CNTN4: variants seen among roughly 807,000 people sequenced by gnomAD.
CNTN4 encodes the protein contactin-4.
A neutral mutation model predicts 122.5 loss-of-function variants in CNTN4; 77 were observed. That is an observed-to-expected ratio of 0.63 (90% CI 0.52 to 0.76). The LOEUF is 0.76. CNTN4 is among the 30% of genes least tolerant of loss of function. The pLI, the probability that CNTN4 is intolerant of heterozygous loss-of-function variation, is 0.00. For missense variants in CNTN4, 1,256 were observed against 1,259.1 expected (o/e 1.00, Z 0.04); for synonymous variants, 512 against 447.0 (o/e 1.15, Z -1.83).
intron 4 of CNTN4, among the ~76,000 whole-genome samples, chr3:2,664,603 T>C (rs1366600282): frequency 6.6e-6 from 1 of 152,206 alleles, no homozygotes; most frequent in Non-Finnish European, 1.5e-5. Context: ...CTTTCAGCCA[T>C]GCCTGGGACC....
intron 2 of CNTN4, among the ~76,000 whole-genome samples, chr3:2,266,316 T>G (rs1428694153): frequency 1.3e-5 from 2 of 152,240 alleles, no homozygotes; most frequent in South Asian, 4.1e-4. Context: ...GTTTTTCTTA[T>G]AGTGACTTCT....
chr3:2,287,367 C>T (rs535566439), intron 2 of CNTN4, among the ~76,000 whole-genome samples: 20 of 151,930 alleles, frequency 1.3e-4, no homozygotes, highest in African/African-American at 2.4e-4. Flanking sequence ...TTTGGGAGGC[C>T]GAGGTGGGCA....
At chr3:2,224,560 T>C (rs1457501766) in intron 2 of CNTN4, among the ~76,000 whole-genome samples, 1 of 152,160 alleles carries the variant, frequency 6.6e-6, no homozygotes, top group Non-Finnish European at 1.5e-5. Flanking sequence ...TTGCCATGAG[T>C]ACAACTTAGA....
At chr3:2,188,951 T>C (rs1054968964) in intron 2 of CNTN4, among the ~76,000 whole-genome samples, 8 of 151,974 alleles carry the variant, frequency 5.3e-5, no homozygotes, top group Admixed American at 1.3e-4. Context: ...TTCTTGAGAG[T>C]TGGGAGATGC....
At chr3:3,024,365 A>G (rs921158379) in intron 14 of CNTN4, among the ~76,000 whole-genome samples, 1 of 143,558 alleles carries the variant, frequency 7.0e-6, no homozygotes, top group African/African-American at 2.6e-5. Flanking sequence ...TAAGATTTGT[A>G]CTTACCTCTT....
intron 2 of CNTN4, among the ~76,000 whole-genome samples, chr3:2,175,271 A>ATT (rs11441226): frequency 2.5e-4 from 37 of 149,870 alleles, no homozygotes; most frequent in Non-Finnish European, 3.7e-4. Context: ...GTGACCTTGG[A>ATT]TTTTTTTTTT....
intron 3 of CNTN4, among the ~76,000 whole-genome samples, chr3:2,525,207 A>G (rs1001360996): frequency 1.3e-5 from 2 of 152,066 alleles, no homozygotes; most frequent in African/African-American, 2.4e-5. Flanking sequence ...TTTGATTACC[A>G]CTGCTGTGTG....
chr3:2,333,444 T>C (rs908348703), intron 2 of CNTN4, among the ~76,000 whole-genome samples: 10 of 152,256 alleles, frequency 6.6e-5, no homozygotes, highest in Admixed American at 3.3e-4. Context: ...GTAATGACTT[T>C]TTTCTCACTT....
intron 3 of CNTN4, among the ~76,000 whole-genome samples, chr3:2,525,688 T>G (rs934536406): frequency 6.6e-6 from 1 of 152,206 alleles, no homozygotes; most frequent in Non-Finnish European, 1.5e-5. Context: ...TAAGTATTAT[T>G]ACTAGCAAAT....
chr3:2,895,866 C>G (rs529065931), intron 10 of CNTN4, among the ~76,000 whole-genome samples: 2 of 152,108 alleles, frequency 1.3e-5, no homozygotes, highest in South Asian at 2.1e-4. Context: ...AACCCCGTCT[C>G]TACTAAAAAT....
chr3:2,232,082 ACT>A (rs986022485), intron 2 of CNTN4, among the ~76,000 whole-genome samples: 4 of 152,030 alleles, frequency 2.6e-5, no homozygotes, highest in South Asian at 4.1e-4. Flanking sequence ...CGTGAATATG[ACT>A]CTCTTCTGAG....
At chr3:2,478,624 C>T (rs1220614682) in intron 3 of CNTN4, among the ~76,000 whole-genome samples, 1 of 152,136 alleles carries the variant, frequency 6.6e-6, no homozygotes, top group Non-Finnish European at 1.5e-5. Context: ...TGTTGTTCCC[C>T]ACCATGTGTC....
intron 2 of CNTN4, among the ~76,000 whole-genome samples, chr3:2,118,628 T>C (rs373311503): frequency 5.9e-5 from 9 of 152,362 alleles, no homozygotes; most frequent in African/African-American, 2.2e-4. Context: ...TGTTTACATA[T>C]ATTTTTCCTA....
At chr3:2,491,680 G>A (rs1246637079) in intron 3 of CNTN4, among the ~76,000 whole-genome samples, 3 of 152,148 alleles carry the variant, frequency 2.0e-5, no homozygotes, top group Non-Finnish European at 1.5e-5. Flanking sequence ...TTCGTGTGTA[G>A]TTCAAATCTC....
At chr3:2,772,121 C>G in intron 6 of CNTN4, among the ~76,000 whole-genome samples, 1 of 152,006 alleles carries the variant, frequency 6.6e-6, no homozygotes, top group East Asian at 1.9e-4. Flanking sequence ...TTTAGCTAAT[C>G]TTTTGGTGGC....
At chr3:3,055,679 G>A (rs757262881) in intron 24 of CNTN4, among the ~76,000 whole-genome samples, 3 of 152,144 alleles carry the variant, frequency 2.0e-5, no homozygotes, top group Non-Finnish European at 4.4e-5. Context: ...TTCTCTGGGC[G>A]CAAATTACCG....
chr3:2,217,163 T>G (rs1218229473), intron 2 of CNTN4, among the ~76,000 whole-genome samples: 1 of 152,168 alleles, frequency 6.6e-6, no homozygotes. Flanking sequence ...CTTTGATTGA[T>G]GCTCCTGGGC....
At chr3:2,354,012 T>C (rs989692561) in intron 3 of CNTN4, among the ~76,000 whole-genome samples, 5 of 152,354 alleles carry the variant, frequency 3.3e-5, no homozygotes, top group South Asian at 4.1e-4. Flanking sequence ...GGTACTTTCC[T>C]AATCCTTATA....
intron 2 of CNTN4, chr3:2,144,217 C>G (rs1194822716): frequency 2.0e-5 from 3 of 152,176 alleles, no homozygotes; most frequent in Non-Finnish European, 2.9e-5. Flanking sequence ...GGCCTGTGAT[C>G]TGTTTCTTTG....
Sources: gnomAD v4.1 joint callset for allele counts (sites outside exome capture counted in the v4.1 genomes callset) on GRCh38, gnomAD v4.1.1 for gene constraint, MANE v1.5 for transcripts, NCBI Gene and HGNC (gene_info 2026-07-23, HGNC 2026-07-21) for gene names.